Variants in MAOB observed in about 807,000 individuals in gnomAD.
MAOB encodes the protein amine oxidase [flavin-containing] B.
MAOB carries 15 observed loss-of-function variants against 41.9 expected under a neutral mutation model. That is an observed-to-expected ratio of 0.36 (90% confidence interval 0.24 to 0.55). MAOB has a LOEUF of 0.55. Ranked by LOEUF, MAOB falls within the 20% of genes least tolerant of loss-of-function variation. The probability of loss-of-function intolerance (pLI) is 0.86; values close to 1 mark genes in which losing one functional copy is unlikely to be tolerated. For missense variants in MAOB, 345 were observed against 398.7 expected (o/e 0.87, Z 1.15); for synonymous variants, 167 against 144.2 (o/e 1.16, Z -1.13).
At chrX:43,805,511 G>A (rs757587758) in intron 3 of MAOB, among the ~76,000 whole-genome samples, 3 of 111,403 alleles carry the variant, frequency 2.7e-5, no homozygotes, top group South Asian at 7.6e-4. Context: ...CTTATAGATT[G>A]TTTTTGCCTG....
At chrX:43,781,690 A>G (rs2034335030) in intron 8 of MAOB, 146 bp from the exon 9 acceptor site, 2 of 341,388 alleles carry the variant, frequency 5.9e-6, no homozygotes, top group Non-Finnish European at 1.0e-5. Context: ...GGCAAACCAA[A>G]CTGATGTCAA....
At chrX:43,812,304 A>G (rs1228021865) in intron 3 of MAOB, among the ~76,000 whole-genome samples, 1 of 112,462 alleles carries the variant, frequency 8.9e-6, no homozygotes, top group Non-Finnish European at 1.9e-5. Flanking sequence ...TGCAACAAAC[A>G]TGGGAGTGCA....
chrX:43,820,717 T>C (rs756655070), intron 3 of MAOB, among the ~76,000 whole-genome samples: 1 of 112,256 alleles, frequency 8.9e-6, no homozygotes, highest in South Asian at 3.7e-4. Flanking sequence ...CCTCTGTATA[T>C]AATGTGAATG....
chrX:43,794,057 A>G (rs1176916264), intron 7 of MAOB, among the ~76,000 whole-genome samples: 1 of 111,450 alleles, frequency 9.0e-6, no homozygotes, highest in Non-Finnish European at 1.9e-5. Flanking sequence ...TTGTATTTTT[A>G]GTAAAGACAG....
chrX:43,832,900 A>G (rs2035034029), intron 3 of MAOB, among the ~76,000 whole-genome samples: 1 of 111,518 alleles, frequency 9.0e-6, no homozygotes, highest in Admixed American at 9.5e-5. Context: ...CTTTGGAGGG[A>G]GCTAGTGGAA....
intron 3 of MAOB, chrX:43,837,944 G>A (rs897240353): frequency 1.5e-5 from 5 of 329,351 alleles, no homozygotes. Context: ...AGAGGAGCAG[G>A]GAGATGTGAA....
chrX:43,842,681 A>T (rs756305956), intron 2 of MAOB, among the ~76,000 whole-genome samples: 2 of 112,432 alleles, frequency 1.8e-5, no homozygotes, highest in Non-Finnish European at 3.8e-5. Context: ...CTAAGTGTCC[A>T]TCAGTGGATA....
intron 1 of MAOB, among the ~76,000 whole-genome samples, chrX:43,863,494 G>A (rs1237937264): frequency 1.8e-5 from 2 of 111,528 alleles, no homozygotes; most frequent in African/African-American, 6.5e-5. Flanking sequence ...TCAAGAGGCT[G>A]GAAAAAATAT....
rs1214700500 is a variant in MAOB, at chrX:43,797,105, G to A, written c.618+20C>T. On this transcript the variant is annotated intron_variant, in intron 6 of 14. Transcript: ENST00000378069. ...GTAGCAGTGTTTTTCCATTGGGACT[G>A]TGGAAGAATGGATGGGTACCTGTCC... 1 of 1,192,852 alleles carries A rather than the reference G, an allele frequency of 8.4e-7. No homozygotes were observed. Among genetic ancestry groups the A allele is most frequent in the Admixed American group, 2.3e-5 (1 of 44,077 alleles).
At chrX:43,876,111 C>T (rs1458356596) in intron 1 of MAOB, among the ~76,000 whole-genome samples, 1 of 110,965 alleles carries the variant, frequency 9.0e-6, no homozygotes, top group Non-Finnish European at 1.9e-5. Context: ...AGGCATGCGC[C>T]ACCACGCCTG....
In MAOB at chrX:43,811,762, G is replaced by A. The variant is rs541746725; in HGVS notation, c.280-8358C>T. ...GTACATGAGATGTTTTGATGATACA[G>A]GCATGCAATGTGTAATAATCACATC... On this transcript the variant is annotated intron_variant, in intron 3 of 14. Coordinates refer to ENST00000378069, the MANE Select transcript of MAOB (RefSeq NM_000898.5). 6.3e-5 allele frequency among the ~76,000 whole-genome samples: 7 copies of A among 111,389 alleles called. No homozygotes were observed. The South Asian group carries it at 2.7e-3, about 43-fold the overall frequency.
chrX:43,870,450 G>A (rs901618757), intron 1 of MAOB, among the ~76,000 whole-genome samples: 1 of 111,090 alleles, frequency 9.0e-6, no homozygotes, highest in Non-Finnish European at 1.9e-5. Flanking sequence ...ATCCAGAACT[G>A]ATGAGACTAA....
At chrX:43,815,032 A>G (rs1449115315) in intron 3 of MAOB, among the ~76,000 whole-genome samples, 1 of 111,392 alleles carries the variant, frequency 9.0e-6, no homozygotes, top group Non-Finnish European at 1.9e-5. Context: ...ATTGACCTCA[A>G]AGAATAAGGG....
At chrX:43,879,484 T>C (rs2035460508) in intron 1 of MAOB, among the ~76,000 whole-genome samples, 2 of 111,770 alleles carry the variant, frequency 1.8e-5, no homozygotes, top group African/African-American at 6.5e-5. Context: ...ACACTCTTGA[T>C]TTTGGCCATT....
intron 3 of MAOB, among the ~76,000 whole-genome samples, chrX:43,823,784 A>G (rs2034911476): frequency 8.9e-6 from 1 of 112,079 alleles, no homozygotes; most frequent in East Asian, 2.8e-4. Context: ...GTGCTCAGGA[A>G]GTCGGTCACT....
chrX:43,778,913 A>G (rs1408213608), intron 10 of MAOB, among the ~76,000 whole-genome samples, 174 bp from the exon 11 acceptor site: 1 of 112,068 alleles, frequency 8.9e-6, no homozygotes, highest in Admixed American at 9.5e-5. Flanking sequence ...AGATGTCTTA[A>G]ATCTTTGAGG....
At chrX:43,769,469 A>G (rs763564180) in intron 12 of MAOB, 51 bp from the exon 13 acceptor site, 13 of 1,160,745 alleles carry the variant, frequency 1.1e-5, no homozygotes, top group Non-Finnish European at 1.4e-5. Context: ...AGAGTCAGAG[A>G]AAAGTTTTCC....
intron 1 of MAOB, among the ~76,000 whole-genome samples, chrX:43,877,608 G>T (rs1221882319): frequency 9.0e-6 from 1 of 111,519 alleles, no homozygotes; most frequent in Non-Finnish European, 1.9e-5. Flanking sequence ...TGTTATTAAT[G>T]CATTTATCTT....
At chrX:43,854,531 G>A (rs1255490867) in intron 1 of MAOB, among the ~76,000 whole-genome samples, 2 of 111,312 alleles carry the variant, frequency 1.8e-5, no homozygotes, top group Non-Finnish European at 3.8e-5. Context: ...GGAAATGGGA[G>A]GGAGAGCTTC....
Sources: gnomAD v4.1 joint callset for allele counts (sites outside exome capture counted in the v4.1 genomes callset) on GRCh38, gnomAD v4.1.1 for gene constraint, MANE v1.5 for transcripts, NCBI Gene and HGNC (gene_info 2026-07-23, HGNC 2026-07-21) for gene names.